Variants in RPAP2 observed in about 807,000 individuals in gnomAD.
RPAP2 encodes RNA polymerase II associated protein 2, also known as putative RNA polymerase II subunit B1 CTD phosphatase RPAP2.
Under a neutral mutation model 73.1 loss-of-function variants are expected in RPAP2, and 52 were observed. That is an observed-to-expected ratio of 0.71 (90% confidence interval 0.57 to 0.90). The LOEUF is 0.90. Among genes scored for constraint, RPAP2 ranks in the 40% least tolerant of loss-of-function variants. The pLI is 0.00. For synonymous variants in RPAP2, 225 were observed against 242.1 expected (o/e 0.93, Z 0.65); for missense variants, 598 against 701.8 (o/e 0.85, Z 1.67).
chr1:92,394,438 A>G lies in RPAP2; in HGVS notation c.*7427A>G, dbSNP rs1476877360. On this transcript the variant is annotated 3_prime_UTR_variant, in exon 13 of 13. Transcript: ENST00000610020. ...GTGTATACCTATGTAACAAAACTAC[A>G]TGTTCTGCACATGTAACCCAGAACT... 1.3e-5 allele frequency: 2 copies of G among 152,206 alleles called. No individual in the cohort carries two copies. Among genetic ancestry groups the G allele is most frequent in the African/African-American group, 2.4e-5 (1 of 41,444 alleles). 9.4% of individuals were successfully genotyped at this position (152,206 alleles called of 1,614,324 possible).
chr1:92,378,374 T>C (rs1160738434), intron 11 of RPAP2, among the ~76,000 whole-genome samples: 1 of 152,050 alleles, frequency 6.6e-6, no homozygotes, highest in Non-Finnish European at 1.5e-5. Context: ...CAGGCTAATT[T>C]ATTTTTTATT....
At chr1:92,352,950 T>G (rs1654289684) in intron 11 of RPAP2, among the ~76,000 whole-genome samples, 1 of 152,240 alleles carries the variant, frequency 6.6e-6, no homozygotes. Context: ...TGGAATCATA[T>G]GTGACCTTTT....
At chr1:92,357,380 C>T (rs997714468) in intron 11 of RPAP2, among the ~76,000 whole-genome samples, 15 of 152,144 alleles carry the variant, frequency 9.9e-5, no homozygotes, top group Non-Finnish European at 1.8e-4. Context: ...AGTAAAAGAT[C>T]TGTTTGGGGG....
Position 92,299,072 on chromosome 1 carries a change from C to T in RPAP2, c.-2C>T, listed in dbSNP as rs936522442. Reference sequence around the variant, plus strand: ...TCCCCGTCCGGCAGACTACTCTCCCCCATGGCGGACTTCGCTGGGCCGTCT... The same window carrying T: ...TCCCCGTCCGGCAGACTACTCTCCCTCATGGCGGACTTCGCTGGGCCGTCT... On this transcript the variant is annotated 5_prime_UTR_variant, in exon 1 of 13. Transcript: ENST00000610020. 12 of 1,503,818 alleles carry T rather than the reference C, an allele frequency of 8.0e-6. No individual in the cohort carries two copies. The highest frequency in any genetic ancestry group is 1.4e-5 in the African/African-American group (1 of 70,606). 93.2% of individuals were successfully genotyped at this position (1,503,818 alleles called of 1,614,324 possible). A position where few individuals can be genotyped will look rare whatever the true frequency, so the allele number is the denominator to read the frequency against.
chr1:92,347,348 C>T (rs1038411678), intron 11 of RPAP2, among the ~76,000 whole-genome samples: 1 of 152,178 alleles, frequency 6.6e-6, no homozygotes, highest in Non-Finnish European at 1.5e-5. Context: ...TCTCTGCTCA[C>T]CCACCAGATC....
chr1:92,345,883 T>G lies in RPAP2; in HGVS notation c.1657T>G (p.Trp553Gly). The G allele has an allele frequency of 6.2e-7, 1 of 1,606,282 alleles. No homozygotes were observed. The highest frequency in any genetic ancestry group is 8.5e-7 in the Non-Finnish European group (1 of 1,173,720). ...NRNIIHKPAEWTLIAMVLLSL... is the reference protein window; with the variant it reads ...NRNIIHKPAEGTLIAMVLLSL... Reference sequence around the variant, plus strand: ...AAATATTATACACAAACCTGCGGAATGGACTTTAATTGCTATGGTGTTGCT... The same window carrying G: ...AAATATTATACACAAACCTGCGGAAGGGACTTTAATTGCTATGGTGTTGCT... The change falls in exon 11 of 13, where the codon TGG (tryptophan) becomes GGG (glycine). Residue 553 changes from tryptophan to glycine, a missense_variant. Trp to Gly is a radical substitution (Grantham distance 184). Transcript: ENST00000610020.
intron 11 of RPAP2, among the ~76,000 whole-genome samples, chr1:92,378,292 C>T (rs979482231): frequency 6.6e-6 from 1 of 152,132 alleles, no homozygotes; most frequent in African/African-American, 2.4e-5. Context: ...GCAACCTCCG[C>T]CTCCTGGGTT....
chr1:92,365,146 A>G (rs1486040759), intron 11 of RPAP2, among the ~76,000 whole-genome samples: 1 of 152,110 alleles, frequency 6.6e-6, no homozygotes, highest in Non-Finnish European at 1.5e-5. Context: ...TTAACACCCC[A>G]CAGTCAGAAA....
chr1:92,373,690 G>A (rs1259737748), intron 11 of RPAP2, among the ~76,000 whole-genome samples: 2 of 135,924 alleles, frequency 1.5e-5, no homozygotes, highest in African/African-American at 5.4e-5. Flanking sequence ...GAGGTCAGGA[G>A]TTCGAGAGCA....
chr1:92,381,774 TTTA>T (rs1447182798), intron 12 of RPAP2, among the ~76,000 whole-genome samples: 1 of 151,690 alleles, frequency 6.6e-6, no homozygotes, highest in African/African-American at 2.4e-5. Flanking sequence ...TTTTTTTAAT[TTTA>T]TTATTATTAT....
intron 11 of RPAP2, among the ~76,000 whole-genome samples, chr1:92,374,207 A>C (rs1353951099): frequency 1.3e-5 from 2 of 152,178 alleles, no homozygotes; most frequent in East Asian, 3.9e-4. Context: ...TAGGAGAAAA[A>C]CCATGACTAA....
At chr1:92,301,380 T>A in intron 2 of RPAP2, 96 bp from the exon 3 acceptor site, 6 of 478,232 alleles carry the variant, frequency 1.3e-5, no homozygotes, top group Non-Finnish European at 2.2e-5. Context: ...TAAATTTAAG[T>A]GGCAAAATAG....
At chr1:92,299,190 G>C in intron 1 of RPAP2, 44 bp downstream of exon 1, 2 of 1,257,558 alleles carry the variant, frequency 1.6e-6, no homozygotes, top group Non-Finnish European at 2.2e-6. Flanking sequence ...CTGAAAGCTG[G>C]GCCCCGATCT....
intron 3 of RPAP2, among the ~76,000 whole-genome samples, chr1:92,303,347 T>G (rs1189948255): frequency 6.6e-6 from 1 of 152,188 alleles, no homozygotes; most frequent in Non-Finnish European, 1.5e-5. Context: ...TATTTCTGTC[T>G]CTGTGAAAAC....
rs1652430069 is a variant in RPAP2 at position 92,323,462 on chromosome 1, A to T, written c.542A>T (p.Glu181Val). 2.5e-6 allele frequency: 4 copies of T among 1,590,792 alleles called. No homozygotes were observed. The highest frequency in any genetic ancestry group is 3.6e-5 in the Admixed American group (2 of 56,158). ...KEEQSGHSGE[E>V]VQLCSKAIKT... ...TTCTACAGTGGCCATTCTGGAGAAG[A>T]AGTACAGTTATGCAGTAAAGCCATT... The change falls in exon 8 of 13, where the codon GAA becomes GTA. Residue 181 changes from glutamate to valine, a missense_variant. Around this residue, in one of 3 missense-constraint regions of RPAP2, gnomAD observed 506 missense variants for 612.8 expected, o/e 0.83. Transcript: ENST00000610020.
At chr1:92,346,569 A>C (rs968719727) in intron 11 of RPAP2, among the ~76,000 whole-genome samples, 5 of 152,202 alleles carry the variant, frequency 3.3e-5, no homozygotes, top group Non-Finnish European at 7.3e-5. Flanking sequence ...AATGGGCTTC[A>C]TTATTTTACA....
At chr1:92,348,727 T>C (rs965369618) in intron 11 of RPAP2, among the ~76,000 whole-genome samples, 1 of 152,198 alleles carries the variant, frequency 6.6e-6, no homozygotes, top group Non-Finnish European at 1.5e-5. Context: ...AATACTACTG[T>C]ACAAGTTAGG....
rs777501455 is a variant in RPAP2, at chr1:92,333,408, A to C, written c.1473A>C (p.Pro491=). 6.2e-7 allele frequency: 1 copy of C among 1,613,348 alleles called. No individual in the cohort carries two copies. Among genetic ancestry groups the C allele is most frequent in the Non-Finnish European group, 8.5e-7 (1 of 1,179,414 alleles). Residue 491 remains proline (P), a synonymous_variant, in exon 9 of 13, where the codon CCA becomes CCC. Coordinates refer to ENST00000610020, the MANE Select transcript of RPAP2 (RefSeq NM_024813.3). ...QDSEEHDSTF[P]LIDSSSQNQI... ...TGATTCAGCATGATTCCACCTTTCCACTGATAGACTCAAGTTCCCAGAACC... is the reference window on the plus strand; with the variant it reads ...TGATTCAGCATGATTCCACCTTTCCCCTGATAGACTCAAGTTCCCAGAACC...
intron 10 of RPAP2, among the ~76,000 whole-genome samples, chr1:92,343,586 T>C (rs1335095076): frequency 1.3e-5 from 2 of 152,296 alleles, no homozygotes; most frequent in East Asian, 3.9e-4. Context: ...AAAATTTGAT[T>C]CAGGTATATA....
Sources: gnomAD v4.1 joint callset for allele counts (sites outside exome capture counted in the v4.1 genomes callset) on GRCh38, gnomAD v4.1.1 for gene constraint, gnomAD v4.1.1 regional missense constraint, MANE v1.5 for transcripts, NCBI Gene and HGNC (gene_info 2026-07-23, HGNC 2026-07-21) for gene names.